The following KANSL1 variants were observed in gnomAD, a reference collection of about 807,000 sequenced individuals.
KANSL1 encodes the protein KAT8 regulatory NSL complex subunit 1.
Under a neutral mutation model 103.6 loss-of-function variants are expected in KANSL1, and 22 were observed. That is an observed-to-expected ratio of 0.21 (90% CI 0.15 to 0.30). KANSL1 has a LOEUF of 0.30. Ranked by LOEUF, KANSL1 falls within the 10% of genes least tolerant of loss-of-function variation. KANSL1 has a pLI of 1.00. For missense variants in KANSL1, 1,337 were observed against 1,399.8 expected (o/e 0.96, Z 0.72); for synonymous variants, 600 against 527.6 (o/e 1.14, Z -1.88).
chr17:46,177,387 T>C (rs1391955174), intron 1 of KANSL1, among the ~76,000 whole-genome samples: 1 of 152,224 alleles, frequency 6.6e-6, no homozygotes, highest in African/African-American at 2.4e-5. Flanking sequence ...ACTTTAATCT[T>C]TTCCCTGTTA....
At chr17:46,146,797 C>T (rs2044727940) in intron 2 of KANSL1, among the ~76,000 whole-genome samples, 1 of 141,498 alleles carries the variant, frequency 7.1e-6, no homozygotes, top group East Asian at 2.1e-4. Context: ...CCCGCCACTG[C>T]ACTCCAGCCT....
chr17:46,061,358 G>C (rs2078151678), intron 6 of KANSL1, among the ~76,000 whole-genome samples: 1 of 151,670 alleles, frequency 6.6e-6, no homozygotes, highest in Non-Finnish European at 1.5e-5. Context: ...TAACTTTATT[G>C]ATCTGAAATC....
chr17:46,083,797 C>A (rs912690608), intron 3 of KANSL1, among the ~76,000 whole-genome samples: 3 of 151,994 alleles, frequency 2.0e-5, no homozygotes, highest in Admixed American at 2.0e-4. Context: ...CAAAGAACAT[C>A]CTAAAGTATA....
intron 1 of KANSL1, among the ~76,000 whole-genome samples, chr17:46,185,692 T>TACACACACACAC (rs58833932): frequency 1.1e-4 from 16 of 144,406 alleles, no homozygotes; most frequent in South Asian, 6.5e-4. Context: ...CACACATATA[T>TACACACACACAC]ACACACACAC....
chr17:46,162,767 T>C (rs2045810294), intron 2 of KANSL1, among the ~76,000 whole-genome samples: 1 of 152,248 alleles, frequency 6.6e-6, no homozygotes, highest in Non-Finnish European at 1.5e-5. Flanking sequence ...GGCTTCACAA[T>C]AAAAATTTTA....
chr17:46,191,824 G>A (rs1239490460), intron 1 of KANSL1, among the ~76,000 whole-genome samples: 1 of 152,222 alleles, frequency 6.6e-6, no homozygotes, highest in Non-Finnish European at 1.5e-5. Flanking sequence ...TGTGAATGGA[G>A]GGGAGGGAGG....
At chr17:46,172,875 C>CA (rs1457104544) in intron 1 of KANSL1, among the ~76,000 whole-genome samples, 1 of 152,220 alleles carries the variant, frequency 6.6e-6, no homozygotes, top group Admixed American at 6.5e-5. Flanking sequence ...GGAATTTACT[C>CA]AAGTATCTTC....
At chr17:46,165,730 C>T (rs1192130239) in intron 2 of KANSL1, among the ~76,000 whole-genome samples, 1 of 151,408 alleles carries the variant, frequency 6.6e-6, no homozygotes, top group Non-Finnish European at 1.5e-5. Flanking sequence ...AGGCTGGTCT[C>T]CAACTCCTGA....
At chr17:46,134,926 T>C (rs764755985) in intron 2 of KANSL1, among the ~76,000 whole-genome samples, 1 of 152,156 alleles carries the variant, frequency 6.6e-6, no homozygotes, top group Non-Finnish European at 1.5e-5. Context: ...CTGAGGTACT[T>C]TTAGTATTCA....
chr17:46,197,684 C>T (rs2047659370), upstream of KANSL1, among the ~76,000 whole-genome samples: 1 of 152,214 alleles, frequency 6.6e-6, no homozygotes. Context: ...ACTACATTAC[C>T]CTTGGTTAAA....
chr17:46,055,454 A>C (rs190085682), intron 6 of KANSL1, among the ~76,000 whole-genome samples: 5 of 150,686 alleles, frequency 3.3e-5, no homozygotes, highest in African/African-American at 1.2e-4. Context: ...GACAAGAGCA[A>C]AACTCCCTCT....
intron 4 of KANSL1, among the ~76,000 whole-genome samples, chr17:46,074,079 G>C (rs963551030): frequency 3.9e-5 from 6 of 152,094 alleles, no homozygotes; most frequent in Admixed American, 6.5e-5. Context: ...TGACACTTAC[G>C]AAGTAACAAT....
chr17:46,219,904 C>T (rs931433405), intron 1 of KANSL1, among the ~76,000 whole-genome samples: 11 of 152,096 alleles, frequency 7.2e-5, no homozygotes, highest in Admixed American at 1.3e-4. Context: ...GAGATCGAGA[C>T]CATCCTGGCT....
chr17:46,141,666 T>C (rs1445700533), intron 2 of KANSL1, among the ~76,000 whole-genome samples: 1 of 152,180 alleles, frequency 6.6e-6, no homozygotes, highest in African/African-American at 2.4e-5. Context: ...AAAAATACCC[T>C]AAATGAATCT....
intron 2 of KANSL1, among the ~76,000 whole-genome samples, chr17:46,160,030 A>G (rs2045647070): frequency 6.6e-6 from 1 of 152,188 alleles, no homozygotes; most frequent in South Asian, 2.1e-4. Context: ...CCCTCTCTCT[A>G]TCAGTTCCAG....
intron 2 of KANSL1, among the ~76,000 whole-genome samples, chr17:46,118,644 ATGAACTTTCCTTGC>A (rs2043146504): frequency 6.6e-6 from 1 of 152,226 alleles, no homozygotes. Flanking sequence ...CCACATTTTG[ATGAACTTTCCTTGC>A]TGAAGCCAGA....
intron 1 of KANSL1, among the ~76,000 whole-genome samples, chr17:46,189,398 T>C (rs796288061): frequency 2.6e-5 from 4 of 152,170 alleles, no homozygotes; most frequent in African/African-American, 9.6e-5. Flanking sequence ...ACTATATACA[T>C]CTATCTAGCA....
In KANSL1 at chr17:46,030,651, G is replaced by C. The variant is rs1019574491; in HGVS notation, c.*825C>G. The C allele has an allele frequency of 1.3e-5, 2 of 152,034 alleles. No individual in the cohort carries two copies. The highest frequency in any genetic ancestry group is 4.8e-5 in the African/African-American group (2 of 41,386). The allele number at this position is 152,034 out of a possible 1,614,324, so 9.4% of individuals were successfully genotyped here. Reference sequence around the variant, plus strand: ...CACTTCCCACAACCCCCAGTTTGCAGGGGAGTGGGAATAGAGGTTAAGTAG... The same window carrying C: ...CACTTCCCACAACCCCCAGTTTGCACGGGAGTGGGAATAGAGGTTAAGTAG... On this transcript the variant is annotated 3_prime_UTR_variant, in exon 15 of 15. Coordinates refer to ENST00000432791, the MANE Select transcript of KANSL1 (RefSeq NM_015443.4).
chr17:46,037,782 T>C (rs2077192846), intron 10 of KANSL1: 1 of 152,222 alleles, frequency 6.6e-6, no homozygotes, highest in Admixed American at 6.5e-5. Context: ...GTAATTATTA[T>C]ACAAAAAGGA....
Sources: gnomAD v4.1 joint callset for allele counts (sites outside exome capture counted in the v4.1 genomes callset) on GRCh38, gnomAD v4.1.1 for gene constraint, MANE v1.5 for transcripts, NCBI Gene and HGNC (gene_info 2026-07-23, HGNC 2026-07-21) for gene names.